ZNF550: variants seen among roughly 807,000 people sequenced by gnomAD.
ZNF550 encodes zinc finger protein 550.
In ZNF550, 42 loss-of-function variants were observed where a neutral mutation model predicts 40.2. The observed-to-expected ratio is 1.05, with a 90% CI of 0.82 to 1.35. The LOEUF (loss-of-function observed/expected upper bound fraction) is 1.35. Among genes scored for constraint, ZNF550 ranks in the 40% most tolerant of loss-of-function variants. The pLI is 0.00. For missense variants in ZNF550, 549 were observed against 525.2 expected, an observed-to-expected ratio of 1.05 and a Z score of -0.44; for synonymous variants, 223 against 198.6, an observed-to-expected ratio of 1.12 and a Z score of -1.03.
At chr19:57,547,796 T>C (rs1221364916) in exon 4 of ZNF550, 1 of 1,614,126 alleles carries the variant, frequency 6.2e-7, no homozygotes, top group African/African-American at 1.3e-5. Flanking sequence ...CCAAGATGGG[T>C]CTCCTTGTGG....
exon 5 of ZNF550, chr19:57,543,217 TTC>T (rs2089977332): frequency 2.1e-6 from 2 of 958,834 alleles, no homozygotes; most frequent in African/African-American, 1.8e-5. Flanking sequence ...TTTCTTAAAT[TTC>T]TCTTTTCAAC....
At chr19:57,546,904 G>C (rs2090015210) in exon 4 of ZNF550, 1 of 1,516,362 alleles carries the variant, frequency 6.6e-7, no homozygotes, top group South Asian at 1.3e-5. Flanking sequence ...CTACAGTGTG[G>C]GTCCCATTAT....
chr19:57,546,927 AAC>A (rs1391978316), exon 4 of ZNF550: 5 of 1,544,990 alleles, frequency 3.2e-6, no homozygotes, highest in Non-Finnish European at 4.4e-6. Context: ...ATGATAAAAT[AAC>A]AGTGGGTAAA....
chr19:57,547,949 G>A, exon 4 of ZNF550: 1 of 1,613,986 alleles, frequency 6.2e-7, no homozygotes, highest in Non-Finnish European at 8.5e-7. Flanking sequence ...GATAAGACTG[G>A]CGGGTAAGTG....
chr19:57,560,592 T>C (rs1180058302), upstream of ZNF550, among the ~76,000 whole-genome samples: 2 of 152,012 alleles, frequency 1.3e-5, no homozygotes, highest in East Asian at 3.9e-4. Context: ...TCATGCACAA[T>C]GGAGTTTGGG....
intron 3 of ZNF550, among the ~76,000 whole-genome samples, chr19:57,548,262 A>G (rs932435699): frequency 1.3e-5 from 2 of 152,164 alleles, no homozygotes; most frequent in African/African-American, 4.8e-5. Context: ...TAAGGAAGAG[A>G]TAATAGAGTT....
At chr19:57,552,431 G>C in intron 3 of ZNF550, 196 bp downstream of exon 3, 1 of 518,028 alleles carries the variant, frequency 1.9e-6, no homozygotes, top group Non-Finnish European at 3.4e-6. Flanking sequence ...CACAGCAAAA[G>C]GTACCTGTGT....
At chr19:57,557,270 A>T (rs1774811589) in intron 1 of ZNF550, 1 of 152,004 alleles carries the variant, frequency 6.6e-6, no homozygotes, top group Admixed American at 6.6e-5. Flanking sequence ...ATTTACTGAG[A>T]TAGGAGAAAG....
chr19:57,556,290 G>A (rs150654848), exon 2 of ZNF550: 2 of 1,614,126 alleles, frequency 1.2e-6, no homozygotes, highest in Non-Finnish European at 1.7e-6. Flanking sequence ...GGTCCTCTGG[G>A]CCAGGTCCAG....
chr19:57,544,698 G>A (rs904903419), intron 4 of ZNF550: 1 of 712,516 alleles, frequency 1.4e-6, no homozygotes, highest in Non-Finnish European at 1.7e-6. Context: ...TATATATGCA[G>A]TGCTTTAAAA....
At chr19:57,544,027 T>A (rs2089985999) in intron 4 of ZNF550, 1 of 985,450 alleles carries the variant, frequency 1.0e-6, no homozygotes, top group Non-Finnish European at 1.2e-6. Flanking sequence ...GTTCAAAACT[T>A]CTACTGACTT....
intron 1 of ZNF550, among the ~76,000 whole-genome samples, chr19:57,558,203 C>T (rs2123373562): frequency 6.6e-6 from 1 of 152,308 alleles, no homozygotes; most frequent in Admixed American, 6.5e-5. Flanking sequence ...GGGTGTGGAA[C>T]TGCAGCCCCG....
rs185188989 is a variant in ZNF550, at chr19:57,551,035, A to G, written c.250+1592T>C. Among the ~76,000 whole-genome samples the G allele has an allele frequency of 1.2e-4, 18 of 152,198 alleles. No individual in the cohort carries two copies. The East Asian group carries it at 2.3e-3, about 20-fold the overall frequency. Reference sequence around the variant, plus strand: ...TGTATTGTGCACACTTTTTATTTGAATATAGATAAGTTGAAGGTACAGACA... The same window carrying G: ...TGTATTGTGCACACTTTTTATTTGAGTATAGATAAGTTGAAGGTACAGACA... On this transcript the variant is annotated intron_variant, in intron 3 of 4. Transcript: ENST00000457177.
intron 3 of ZNF550, among the ~76,000 whole-genome samples, chr19:57,549,054 T>C (rs2090049710): frequency 6.6e-6 from 1 of 152,100 alleles, no homozygotes. Context: ...GGATGGTTAA[T>C]GGGTACCAAA....
At chr19:57,550,237 C>T (rs1035073591) in intron 3 of ZNF550, among the ~76,000 whole-genome samples, 5 of 152,188 alleles carry the variant, frequency 3.3e-5, no homozygotes, top group South Asian at 2.1e-4. Context: ...GGAAATGGTG[C>T]GGCTACTCTG....
chr19:57,543,636 A>G, intron 4 of ZNF550: 2 of 985,444 alleles, frequency 2.0e-6, no homozygotes, highest in Non-Finnish European at 2.4e-6. Context: ...AAACATGAAC[A>G]TGAAAACGTT....
Position 57,554,416 on chromosome 19 carries a change from C to G in ZNF550, c.155-1694G>C, listed in dbSNP as rs923588168. The G allele has an allele frequency of 1.3e-5, 2 of 152,248 alleles. No homozygotes were observed. The highest frequency in any genetic ancestry group is 4.8e-5 in the African/African-American group (2 of 41,432). 9.4% of individuals were successfully genotyped at this position (152,248 alleles called of 1,614,324 possible). ...GAACCAAGAAGAAGGAACAGAGAAC[C>G]AAGACATCCTTGATGGCGTCACTGG... On this transcript the variant is annotated intron_variant, in intron 2 of 4. Transcript: ENST00000457177. The surrounding 1 kb of genome is among the most constrained non-coding windows in gnomAD (Gnocchi z 4.5).
At chr19:57,551,624 G>A (rs558898381) in intron 3 of ZNF550, among the ~76,000 whole-genome samples, 1 of 152,128 alleles carries the variant, frequency 6.6e-6, no homozygotes, top group East Asian at 1.9e-4. Context: ...TGTCTTTTTA[G>A]GCATCAGGAG....
At chr19:57,542,960 C>T in exon 5 of ZNF550, 1 of 152,356 alleles carries the variant, frequency 6.6e-6, no homozygotes, top group Non-Finnish European at 1.5e-5. Context: ...CTTAACATTG[C>T]CCTATGAATT....
Sources: allele counts gnomAD v4.1 joint callset (sites outside exome capture counted in the v4.1 genomes callset), GRCh38; gene constraint gnomAD v4.1.1; non-coding constraint Gnocchi (gnomAD v3.1); transcripts MANE v1.5; gene names NCBI Gene and HGNC (gene_info 2026-07-23, HGNC 2026-07-21).